CSTPP1: variants seen among roughly 807,000 people sequenced by gnomAD.
CSTPP1 encodes UPF0705 protein C11orf49.
At chr11:47,027,039 A>G in the CSTPP1 span, among the ~76,000 whole-genome samples, 2 of 152,146 alleles carry the variant, frequency 1.3e-5, no homozygotes, top group Non-Finnish European at 2.9e-5. Flanking sequence ...TAAATTTCTA[A>G]CATGCTATAA....
At chr11:46,949,788 C>T in the CSTPP1 span, among the ~76,000 whole-genome samples, 1 of 151,888 alleles carries the variant, frequency 6.6e-6, no homozygotes, top group Admixed American at 6.6e-5. Context: ...TCTCATGCCT[C>T]AGCCTCCCGA....
the CSTPP1 span, among the ~76,000 whole-genome samples, chr11:47,053,432 A>G: frequency 6.6e-6 from 1 of 152,244 alleles, no homozygotes; most frequent in African/African-American, 2.4e-5. Context: ...CAGCCTGTCC[A>G]ACATGGTGAA....
the CSTPP1 span, among the ~76,000 whole-genome samples, chr11:47,038,310 C>T: frequency 6.5e-5 from 6 of 92,568 alleles, no homozygotes; most frequent in South Asian, 4.2e-4. Context: ...CCGGACGGGG[C>T]GGCTGGCCGG....
chr11:47,058,897 G>A, the CSTPP1 span, among the ~76,000 whole-genome samples: 1 of 152,158 alleles, frequency 6.6e-6, no homozygotes, highest in Non-Finnish European at 1.5e-5. Flanking sequence ...TTGCCCTCAA[G>A]GAGCTCTTAT....
At chr11:47,078,077 A>C in the CSTPP1 span, among the ~76,000 whole-genome samples, 1 of 152,234 alleles carries the variant, frequency 6.6e-6, no homozygotes, top group Non-Finnish European at 1.5e-5. Flanking sequence ...GATGGGAAGT[A>C]TATGTGTGTG....
the CSTPP1 span, among the ~76,000 whole-genome samples, chr11:47,105,848 C>T: frequency 6.6e-6 from 1 of 152,204 alleles, no homozygotes; most frequent in East Asian, 1.9e-4. Context: ...GTGTGTCCTC[C>T]AGTTTCAAGG....
At chr11:47,126,576 C>G in the CSTPP1 span, among the ~76,000 whole-genome samples, 10 of 152,096 alleles carry the variant, frequency 6.6e-5, no homozygotes, top group Non-Finnish European at 1.3e-4. Context: ...CAGGCTGCAG[C>G]GAGCTATGAT....
the CSTPP1 span, among the ~76,000 whole-genome samples, chr11:46,971,684 C>G: frequency 1.3e-5 from 2 of 151,924 alleles, no homozygotes; most frequent in Non-Finnish European, 2.9e-5. Context: ...GTGGCTCACG[C>G]CAGTAATCTC....
chr11:47,163,409 T>TCCCTGGCTTACAGCC, the CSTPP1 span, among the ~76,000 whole-genome samples: 1 of 152,066 alleles, frequency 6.6e-6, no homozygotes, highest in Admixed American at 6.6e-5. Flanking sequence ...ACTCTGCAAA[T>TCCCTGGCTTACAGCC]CCCTGGCTTA....
chr11:46,983,948 C>T, the CSTPP1 span, among the ~76,000 whole-genome samples: 3 of 152,282 alleles, frequency 2.0e-5, no homozygotes, highest in Non-Finnish European at 2.9e-5. Context: ...TTCTACTTTG[C>T]GAACTAGGAA....
chr11:47,141,859 G>A, the CSTPP1 span, among the ~76,000 whole-genome samples: 1 of 149,988 alleles, frequency 6.7e-6, no homozygotes, highest in Non-Finnish European at 1.5e-5. Flanking sequence ...CTTGAACCCG[G>A]GAGGTGGAGG....
chr11:46,961,519 C>T, the CSTPP1 span, among the ~76,000 whole-genome samples: 1 of 152,060 alleles, frequency 6.6e-6, no homozygotes, highest in Non-Finnish European at 1.5e-5. Flanking sequence ...TTTCTCCCAT[C>T]TTGTGGGTTG....
At chr11:47,092,394 A>G in the CSTPP1 span, among the ~76,000 whole-genome samples, 1 of 152,208 alleles carries the variant, frequency 6.6e-6, no homozygotes. Context: ...ATCTCTGACT[A>G]GGAATGCAGT....
chr11:47,096,366 A>G, the CSTPP1 span, among the ~76,000 whole-genome samples: 1 of 152,108 alleles, frequency 6.6e-6, no homozygotes, highest in African/African-American at 2.4e-5. Flanking sequence ...TTTCCCTCCC[A>G]GGCCCTGGTA....
At chr11:47,074,035 C>T in the CSTPP1 span, among the ~76,000 whole-genome samples, 5 of 152,074 alleles carry the variant, frequency 3.3e-5, no homozygotes, top group African/African-American at 1.2e-4. Flanking sequence ...CACCTTTCTT[C>T]TTCTATTAAA....
chr11:47,157,130 G>A, the CSTPP1 span: 2 of 1,614,080 alleles, frequency 1.2e-6, no homozygotes, highest in Admixed American at 1.7e-5. Flanking sequence ...CCAACGACCT[G>A]CCTTGGGCGG....
the CSTPP1 span, among the ~76,000 whole-genome samples, chr11:46,976,936 G>A: frequency 1.3e-5 from 2 of 152,262 alleles, no homozygotes; most frequent in Admixed American, 6.5e-5. Context: ...CCAAGCTATT[G>A]AAATCCGTAT....
At chr11:46,945,671 T>A in the CSTPP1 span, among the ~76,000 whole-genome samples, 1 of 152,070 alleles carries the variant, frequency 6.6e-6, no homozygotes, top group African/African-American at 2.4e-5. Context: ...AAGTCACCTC[T>A]TTCTTTCCTT....
the CSTPP1 span, among the ~76,000 whole-genome samples, chr11:46,952,608 T>G: frequency 6.6e-6 from 1 of 152,232 alleles, no homozygotes; most frequent in African/African-American, 2.4e-5. Context: ...GTTTTTGTCC[T>G]CTACCTCTTG....
Sources: gnomAD v4.1 joint callset for allele counts (sites outside exome capture counted in the v4.1 genomes callset) on GRCh38, gnomAD v4.1.1 for gene constraint, MANE v1.5 for transcripts, NCBI Gene and HGNC (gene_info 2026-07-23, HGNC 2026-07-21) for gene names.